Variants in SNTB1 observed in about 807,000 individuals in gnomAD.
SNTB1 encodes the protein syntrophin beta 1.
SNTB1 carries 36 observed loss-of-function variants against 48.9 expected under a neutral mutation model. The observed-to-expected ratio is 0.74, with a 90% CI of 0.56 to 0.97. SNTB1 has a LOEUF of 0.97. Among genes scored for constraint, SNTB1 ranks in the 50% least tolerant of loss-of-function variants. The probability of loss-of-function intolerance (pLI) is 0.00; values close to 1 mark genes in which losing one functional copy is unlikely to be tolerated. For synonymous variants in SNTB1, 299 were observed against 294.6 expected (o/e 1.01, Z -0.15); for missense variants, 786 against 703.4 (o/e 1.12, Z -1.33).
intron 2 of SNTB1, among the ~76,000 whole-genome samples, chr8:120,634,544 T>G (rs1817041532): frequency 6.6e-6 from 1 of 152,190 alleles, no homozygotes; most frequent in Admixed American, 6.5e-5. Context: ...TATACCACGA[T>G]GCCTCTCCTT....
At chr8:120,701,775 T>C (rs1023207107) in intron 1 of SNTB1, among the ~76,000 whole-genome samples, 1 of 152,244 alleles carries the variant, frequency 6.6e-6, no homozygotes, top group Non-Finnish European at 1.5e-5. Flanking sequence ...GAAGAAGCAT[T>C]TGAAGGATGG....
chr8:120,662,207 A>G (rs1361999067), intron 2 of SNTB1, among the ~76,000 whole-genome samples: 1 of 152,266 alleles, frequency 6.6e-6, no homozygotes, highest in African/African-American at 2.4e-5. Flanking sequence ...AAAAAAATCT[A>G]TATCTAAACT....
intron 1 of SNTB1, among the ~76,000 whole-genome samples, chr8:120,774,907 G>A (rs1434154484): frequency 6.6e-6 from 1 of 152,034 alleles, no homozygotes; most frequent in Non-Finnish European, 1.5e-5. Context: ...ACCTGCCTCA[G>A]CCTCCCCAAG....
intron 4 of SNTB1, among the ~76,000 whole-genome samples, chr8:120,554,847 C>T (rs1815540518): frequency 6.6e-6 from 1 of 152,082 alleles, no homozygotes; most frequent in African/African-American, 2.4e-5. Context: ...TGCTGAGACC[C>T]GCCAGTTGAA....
Position 120,697,072 on chromosome 8 carries a change from C to T in SNTB1, c.572-3164G>A, listed in dbSNP as rs572206406. 2.3e-4 allele frequency among the ~76,000 whole-genome samples: 35 copies of T among 152,324 alleles called. No homozygotes were observed. The South Asian group carries it at 7.3e-3, about 32-fold the overall frequency. On this transcript the variant is annotated intron_variant, in intron 1 of 6. Transcript: ENST00000517992. The stretch of plus-strand genomic sequence containing the variant: ...ATAGGGGTTAATGTCAGAGATAACC[C>T]AAGTAACACTCTAAATCTCCACATA...
chr8:120,542,299 G>A (rs1211359994), intron 5 of SNTB1, among the ~76,000 whole-genome samples: 1 of 152,208 alleles, frequency 6.6e-6, no homozygotes, highest in Non-Finnish European at 1.5e-5. Flanking sequence ...CAGCTCTATA[G>A]GTGTACTTGC....
chr8:120,546,624 G>A (rs978901992), intron 5 of SNTB1, among the ~76,000 whole-genome samples: 2 of 151,804 alleles, frequency 1.3e-5, no homozygotes, highest in African/African-American at 2.4e-5. Context: ...CACATGCCAC[G>A]GCACCTGGCT....
chr8:120,689,103 G>T (rs1818082423), intron 2 of SNTB1, among the ~76,000 whole-genome samples: 1 of 152,188 alleles, frequency 6.6e-6, no homozygotes, highest in African/African-American at 2.4e-5. Context: ...TATTCTTGTG[G>T]ATTCAATGCC....
chr8:120,809,961 A>G (rs924587000), intron 1 of SNTB1, among the ~76,000 whole-genome samples: 7 of 152,146 alleles, frequency 4.6e-5, no homozygotes, highest in African/African-American at 1.7e-4. Context: ...TGGCACCCTT[A>G]CTTTAAACTT....
At chr8:120,781,819 C>T (rs951847709) in intron 1 of SNTB1, among the ~76,000 whole-genome samples, 1 of 152,182 alleles carries the variant, frequency 6.6e-6, no homozygotes, top group African/African-American at 2.4e-5. Context: ...AAGAAAAGTC[C>T]TAGAAGCTGG....
intron 2 of SNTB1, among the ~76,000 whole-genome samples, chr8:120,666,015 C>CT (rs375040970): frequency 4.6e-4 from 70 of 152,124 alleles, no homozygotes; most frequent in African/African-American, 1.6e-3. Context: ...CTAGTATTGT[C>CT]TTTTTTTAAG....
chr8:120,584,789 CT>C (rs751561142), intron 3 of SNTB1, among the ~76,000 whole-genome samples: 2 of 152,244 alleles, frequency 1.3e-5, no homozygotes, highest in Admixed American at 6.5e-5. Flanking sequence ...GGTTGGACCC[CT>C]AATCCACCTT....
intron 2 of SNTB1, among the ~76,000 whole-genome samples, chr8:120,651,405 C>G (rs1319528693): frequency 1.3e-5 from 2 of 152,016 alleles, no homozygotes; most frequent in African/African-American, 4.8e-5. Context: ...GTTCTAAAAA[C>G]AAAAAAGAGC....
intron 1 of SNTB1, among the ~76,000 whole-genome samples, chr8:120,758,881 T>G (rs759356690): frequency 3.3e-5 from 5 of 152,170 alleles, no homozygotes; most frequent in Non-Finnish European, 7.4e-5. Flanking sequence ...TCTGCATCCA[T>G]CCTATCATCT....
intron 2 of SNTB1, among the ~76,000 whole-genome samples, chr8:120,644,212 G>A (rs997319739): frequency 1.0e-3 from 156 of 150,410 alleles, no homozygotes; most frequent in African/African-American, 3.3e-3. Context: ...TGCACATTGT[G>A]CAGGTTAGTT....
chr8:120,783,693 G>A (rs979355084), intron 1 of SNTB1, among the ~76,000 whole-genome samples: 1 of 152,122 alleles, frequency 6.6e-6, no homozygotes, highest in Admixed American at 6.5e-5. Context: ...GGGCAAAGAA[G>A]AACAATCAGT....
At position 120,597,075 on chromosome 8, in the gene SNTB1, A is replaced by C. The variant is rs1402461955; in HGVS notation, c.997-21850T>G. On this transcript the variant is annotated intron_variant, in intron 3 of 6. Transcript: ENST00000517992. ...AGTTATCTGGATGAGCCCTAAATGC[A>C]ATCACAAGCCCTAAATGCAATCACA... 2.0e-5 allele frequency among the ~76,000 whole-genome samples: 3 copies of C among 152,278 alleles called. No homozygotes were observed. The East Asian group carries it at 5.8e-4, about 29-fold the overall frequency.
At chr8:120,559,637 C>T (rs1331082451) in intron 4 of SNTB1, among the ~76,000 whole-genome samples, 2 of 151,932 alleles carry the variant, frequency 1.3e-5, no homozygotes, top group Non-Finnish European at 1.5e-5. Context: ...CAAATATGCC[C>T]CCTTAGCCTG....
chr8:120,594,625 C>T (rs7827232), intron 3 of SNTB1, among the ~76,000 whole-genome samples: 30,527 of 152,164 alleles, frequency 0.2, 3,163 homozygotes, highest in Middle Eastern at 0.3. Flanking sequence ...CCTCCCACCT[C>T]AGCCTTCCAA....
Sources: gnomAD v4.1 joint callset for allele counts (sites outside exome capture counted in the v4.1 genomes callset) on GRCh38, gnomAD v4.1.1 for gene constraint, MANE v1.5 for transcripts, NCBI Gene and HGNC (gene_info 2026-07-23, HGNC 2026-07-21) for gene names.